The following SLC9A7 variants were observed in gnomAD, a reference collection of about 807,000 sequenced individuals.
The protein encoded by SLC9A7 is solute carrier family 9 member A7.
A neutral mutation model predicts 52.6 loss-of-function variants in SLC9A7; 19 were observed. The observed-to-expected ratio is 0.36, with a 90% confidence interval of 0.25 to 0.53. The LOEUF (loss-of-function observed/expected upper bound fraction) is 0.53. Among genes scored for constraint, SLC9A7 ranks in the 20% least tolerant of loss-of-function variants. The probability of loss-of-function intolerance (pLI) is 0.91; values close to 1 mark genes in which losing one functional copy is unlikely to be tolerated. For synonymous variants in SLC9A7, 226 were observed against 252.1 expected, an observed-to-expected ratio of 0.90 and a Z score of 0.98; for missense variants, 455 against 597.9, an observed-to-expected ratio of 0.76 and a Z score of 2.49.
intron 16 of SLC9A7, 45 bp from the exon 17 acceptor site, chrX:46,607,248 A>G (rs754730005): frequency 4.6e-5 from 54 of 1,182,565 alleles, no homozygotes; most frequent in Middle Eastern, 4.7e-4. Context: ...AGAGACTGAT[A>G]TCTTCCAGGT....
chrX:46,655,904 C>G (rs1247744187), intron 7 of SLC9A7, among the ~76,000 whole-genome samples: 1 of 112,730 alleles, frequency 8.9e-6, no homozygotes, highest in African/African-American at 3.2e-5. Flanking sequence ...TCTGTAGGCT[C>G]CACCTCTGCG....
intron 7 of SLC9A7, among the ~76,000 whole-genome samples, chrX:46,656,469 T>C (rs1409915334): frequency 8.9e-6 from 1 of 112,261 alleles, no homozygotes; most frequent in Non-Finnish European, 1.9e-5. Context: ...AGTTGAAAAC[T>C]TTGAAAAAAA....
chrX:46,682,960 ATTTT>A (rs1169630244), intron 1 of SLC9A7, among the ~76,000 whole-genome samples: 10 of 64,907 alleles, frequency 1.5e-4, no homozygotes, highest in Non-Finnish European at 2.5e-4. Flanking sequence ...CACCCGGCTA[ATTTT>A]TTTTTTTTTT....
At chrX:46,691,386 A>G (rs1468061633) in intron 1 of SLC9A7, among the ~76,000 whole-genome samples, 4 of 112,171 alleles carry the variant, frequency 3.6e-5, no homozygotes, top group African/African-American at 1.3e-4. Context: ...TTTTCCTGAT[A>G]TATTTATTTT....
chrX:46,753,609 G>A (rs1348609754), intron 1 of SLC9A7, among the ~76,000 whole-genome samples: 7 of 111,807 alleles, frequency 6.3e-5, no homozygotes, highest in African/African-American at 2.3e-4. Context: ...AACAAATATT[G>A]CTGTCTATAT....
chrX:46,601,024 T>C lies in SLC9A7; in HGVS notation c.*5928A>G, dbSNP rs1193900913. On this transcript the variant is annotated 3_prime_UTR_variant, in exon 17 of 17. Coordinates refer to ENST00000616978, the MANE Select transcript of SLC9A7 (RefSeq NM_001257291.2). ...TATGAAAGACTTGTTCCTGAACTAA[T>C]TAATCTATAGAATCAACATCAAAAG... 3.6e-5 allele frequency: 4 copies of C among 111,643 alleles called. No homozygotes were observed. Among genetic ancestry groups the C allele is most frequent in the African/African-American group, 9.7e-5 (3 of 30,869 alleles). The allele number at this position is 111,643 out of a possible 1,213,427, so 9.2% of individuals were successfully genotyped here.
chrX:46,704,215 A>G (rs1241194916), intron 1 of SLC9A7, among the ~76,000 whole-genome samples: 2 of 110,937 alleles, frequency 1.8e-5, no homozygotes, highest in Non-Finnish European at 3.8e-5. Context: ...TGCCTATACA[A>G]CTGTTACTGC....
At chrX:46,698,327 G>A (rs1053894543) in intron 1 of SLC9A7, among the ~76,000 whole-genome samples, 24 of 111,314 alleles carry the variant, frequency 2.2e-4, no homozygotes, top group Non-Finnish European at 4.3e-4. Context: ...GTCTCCCCCG[G>A]ATGCCCAGCT....
intron 10 of SLC9A7, among the ~76,000 whole-genome samples, chrX:46,650,089 G>A (rs1444341745): frequency 1.8e-5 from 2 of 112,489 alleles, no homozygotes; most frequent in Non-Finnish European, 3.8e-5. Flanking sequence ...TTCCAGCATT[G>A]CATTAGGCCA....
At chrX:46,618,785 A>T (rs1942994315) in intron 15 of SLC9A7, among the ~76,000 whole-genome samples, 3 of 111,002 alleles carry the variant, frequency 2.7e-5, no homozygotes, top group Non-Finnish European at 5.7e-5. Flanking sequence ...ATCTACTAAA[A>T]ATACAAAAAT....
chrX:46,620,849 A>G, intron 15 of SLC9A7, 128 bp downstream of exon 15: 3 of 475,946 alleles, frequency 6.3e-6, no homozygotes, highest in Non-Finnish European at 1.1e-5. Context: ...CACGTTCCAT[A>G]AGAGGATGGG....
At chrX:46,617,839 C>T (rs1942978125) in intron 15 of SLC9A7, among the ~76,000 whole-genome samples, 1 of 111,865 alleles carries the variant, frequency 8.9e-6, no homozygotes, top group Non-Finnish European at 1.9e-5. Flanking sequence ...ATTTTCTTTA[C>T]ATCCTTTCTG....
Position 46,651,096 on chromosome X carries a change from C to G in SLC9A7, c.1350+14G>C, listed in dbSNP as rs371574863. The G allele has an allele frequency of 1.7e-6, 2 of 1,158,836 alleles. No homozygotes were observed. Among genetic ancestry groups the G allele is most frequent in the Non-Finnish European group, 2.3e-6 (2 of 852,222 alleles). On this transcript the variant is annotated intron_variant, in intron 10 of 16. Transcript: ENST00000616978. ...TCTCTGCATGTAGAAAATGGTGGAA[C>G]AAGAAAAGGATACAAAAGCTCCGAT...
intron 1 of SLC9A7, among the ~76,000 whole-genome samples, chrX:46,721,278 G>C (rs181746730): frequency 2.4e-4 from 27 of 111,971 alleles, no homozygotes; most frequent in Non-Finnish European, 4.9e-4. Context: ...AGAATTGCCA[G>C]AAAGAGACTT....
intron 16 of SLC9A7, among the ~76,000 whole-genome samples, chrX:46,610,215 A>C (rs1156965367): frequency 8.9e-6 from 1 of 112,706 alleles, no homozygotes; most frequent in Non-Finnish European, 1.9e-5. Flanking sequence ...AATGCAGTGA[A>C]AACACCTGCA....
chrX:46,668,407 G>T (rs1356164540), intron 5 of SLC9A7, among the ~76,000 whole-genome samples: 1 of 111,286 alleles, frequency 9.0e-6, no homozygotes, highest in East Asian at 2.8e-4. Flanking sequence ...AGGTACTCCG[G>T]AGGCTGAGGC....
intron 1 of SLC9A7, among the ~76,000 whole-genome samples, chrX:46,686,424 C>T (rs1247053473): frequency 9.0e-6 from 1 of 111,722 alleles, no homozygotes; most frequent in African/African-American, 3.3e-5. Context: ...ATATTAAGTT[C>T]ATATTTGGCG....
At chrX:46,757,921 C>G (rs1343032566) in intron 1 of SLC9A7, among the ~76,000 whole-genome samples, 1 of 111,680 alleles carries the variant, frequency 9.0e-6, no homozygotes, top group Non-Finnish European at 1.9e-5. Context: ...ATGGCTGACT[C>G]CGGAATTAAA....
chrX:46,648,536 T>A, intron 11 of SLC9A7, 150 bp downstream of exon 11: 1 of 454,548 alleles, frequency 2.2e-6, no homozygotes, highest in Non-Finnish European at 3.8e-6. Context: ...CAACTGAACA[T>A]GTACATCTGT....
Sources: gnomAD v4.1 joint callset for allele counts (sites outside exome capture counted in the v4.1 genomes callset) on GRCh38, gnomAD v4.1.1 for gene constraint, MANE v1.5 for transcripts, NCBI Gene and HGNC (gene_info 2026-07-23, HGNC 2026-07-21) for gene names.